The following PHLDB2 variants were observed in gnomAD, a reference collection of about 807,000 sequenced individuals.
PHLDB2 encodes pleckstrin homology-like domain family B member 2.
A neutral mutation model predicts 123.6 loss-of-function variants in PHLDB2; 71 were observed. The ratio of observed to expected loss-of-function variants is 0.57; its 90% confidence interval spans 0.47 to 0.70. The LOEUF (loss-of-function observed/expected upper bound fraction) is 0.70, where lower values mean the gene tolerates loss of function less well. PHLDB2 is among the 30% of genes least tolerant of loss of function. The pLI is 0.00. For missense variants in PHLDB2, 1,446 were observed against 1,519.5 expected (o/e 0.95, Z 0.80); for synonymous variants, 547 against 541.6 (o/e 1.01, Z -0.14).
At chr3:111,827,869 C>G (rs1182356199) in intron 1 of PHLDB2, among the ~76,000 whole-genome samples, 1 of 152,014 alleles carries the variant, frequency 6.6e-6, no homozygotes, top group Non-Finnish European at 1.5e-5. Context: ...TCTAAGGGCT[C>G]AGTACATATT....
intron 5 of PHLDB2, among the ~76,000 whole-genome samples, chr3:111,928,986 G>A (rs1228405031): frequency 1.3e-5 from 2 of 152,152 alleles, no homozygotes; most frequent in Admixed American, 6.5e-5. Flanking sequence ...TTTAGGCTAG[G>A]TGCAGTGGCT....
chr3:111,843,845 A>T lies in PHLDB2; in HGVS notation c.-48-1976A>T, dbSNP rs146418494. Among the ~76,000 whole-genome samples the T allele has an allele frequency of 3.5e-4, 53 of 152,298 alleles. No homozygotes were observed. The East Asian group carries it at 0.01, about 29-fold the overall frequency. Reference sequence around the variant, plus strand: ...CACAAAAGTTTTTAAAGCTTCTTTTAAGTATAACTTATGGAAGTTTATATT... The same window carrying T: ...CACAAAAGTTTTTAAAGCTTCTTTTTAGTATAACTTATGGAAGTTTATATT... On this transcript the variant is annotated intron_variant, in intron 1 of 17. Coordinates refer to the PHLDB2 transcript ENST00000393923.
At chr3:111,963,786 T>C (rs1422549010) in intron 13 of PHLDB2, among the ~76,000 whole-genome samples, 2 of 152,236 alleles carry the variant, frequency 1.3e-5, no homozygotes, top group Admixed American at 6.5e-5. Context: ...TAAAAACAAA[T>C]CTTAAGCAGA....
In PHLDB2 at chr3:111,939,444, G is replaced by T. The variant is rs547589423; in HGVS notation, c.2131-31G>T. 230 of 1,584,650 alleles carry T rather than the reference G, an allele frequency of 1.5e-4. No individual in the cohort carries two copies. The African/African-American group carries it at 2.8e-3, about 19-fold the overall frequency. On this transcript the variant is annotated intron_variant, in intron 6 of 17. Transcript: ENST00000431670. ...TTAAGAAGGTGGTAGTTATCTCAGT[G>T]TGTCTTGTTTTCATTCACTTTTCTC...
chr3:111,949,549 T>C (rs189828720), intron 10 of PHLDB2, among the ~76,000 whole-genome samples: 2 of 152,268 alleles, frequency 1.3e-5, no homozygotes, highest in Admixed American at 1.3e-4. Context: ...CAGTGTGGGA[T>C]TTTAATAAGA....
chr3:111,884,399 C>G lies in PHLDB2; in HGVS notation c.322C>G (p.Pro108Ala), dbSNP rs1576992719. 4.3e-6 allele frequency: 7 copies of G among 1,614,152 alleles called. No individual in the cohort carries two copies. The Middle Eastern group carries it at 6.6e-4, about 152-fold the overall frequency. ...GTDKNIPMKPPTPLLNTTSSL... is the reference protein window; with the variant it reads ...GTDKNIPMKPATPLLNTTSSL... ...TGACAAAAATATTCCTATGAAACCT[C>G]CAACTCCTTTACTCAACACTACATC... Residue 108 changes from proline (P) to alanine (A), a missense_variant, in exon 2 of 18, where the codon CCA becomes GCA. This residue lies in a region of PHLDB2 where 832 missense variants were observed against 831.9 expected (regional missense o/e 1.00). Transcript: ENST00000431670.
chr3:111,765,845 T>G (rs1389368144), intron 1 of PHLDB2, among the ~76,000 whole-genome samples: 1 of 152,134 alleles, frequency 6.6e-6, no homozygotes, highest in African/African-American at 2.4e-5. Context: ...ATCAATAATG[T>G]AGATTTACTT....
At chr3:111,747,417 A>G (rs2059698199) in intron 1 of PHLDB2, among the ~76,000 whole-genome samples, 1 of 152,110 alleles carries the variant, frequency 6.6e-6, no homozygotes, top group Admixed American at 6.6e-5. Context: ...TTATAAATAT[A>G]TTTACAAAAA....
chr3:111,865,796 A>G (rs1190757932), intron 1 of PHLDB2, among the ~76,000 whole-genome samples: 3 of 152,032 alleles, frequency 2.0e-5, no homozygotes, highest in African/African-American at 7.2e-5. Context: ...CATTGATTAA[A>G]ATTAAATTAA....
At chr3:111,843,190 G>T (rs948285696) in intron 1 of PHLDB2, among the ~76,000 whole-genome samples, 1 of 152,162 alleles carries the variant, frequency 6.6e-6, no homozygotes, top group Non-Finnish European at 1.5e-5. Context: ...ATCCAAAGAG[G>T]CATTTTGTAT....
chr3:111,909,551 G>A (rs1378201355), intron 2 of PHLDB2, among the ~76,000 whole-genome samples: 1 of 152,140 alleles, frequency 6.6e-6, no homozygotes, highest in African/African-American at 2.4e-5. Flanking sequence ...TGAGCTATGA[G>A]TGCACCACTG....
intron 1 of PHLDB2, among the ~76,000 whole-genome samples, chr3:111,751,170 TGTG>T: frequency 1.3e-5 from 1 of 77,204 alleles, no homozygotes; most frequent in South Asian, 3.3e-4. Flanking sequence ...GACAATGGGG[TGTG>T]TGTGTGTGTG....
At chr3:111,933,005 G>A (rs1435863887) in intron 6 of PHLDB2, among the ~76,000 whole-genome samples, 2 of 152,224 alleles carry the variant, frequency 1.3e-5, no homozygotes, top group Non-Finnish European at 2.9e-5. Flanking sequence ...AGACTTTCTA[G>A]TTAAGCTTTA....
chr3:111,763,106 T>A (rs2060022204), intron 1 of PHLDB2, among the ~76,000 whole-genome samples: 1 of 152,208 alleles, frequency 6.6e-6, no homozygotes, highest in South Asian at 2.1e-4. Context: ...CACTGAGCTT[T>A]ATGATCCTGC....
rs71625224 is a variant in PHLDB2 at position 111,893,919 on chromosome 3, T to TA, written c.1335+8507_1335+8508insA. 7.3e-4 allele frequency among the ~76,000 whole-genome samples: 102 copies of TA among 138,872 alleles called. No homozygotes were observed. The East Asian group carries it at 0.011, about 15-fold the overall frequency. 91.1% of individuals were successfully genotyped at this position (138,872 alleles called of 152,430 possible). On this transcript the variant is annotated intron_variant, in intron 2 of 17. Coordinates refer to ENST00000431670, the MANE Select transcript of PHLDB2 (RefSeq NM_001134438.2). The stretch of plus-strand genomic sequence containing the variant: ...ATTTATTTTTATTTATTTATTTATT[T>TA]TTTATTATACTTTAAGTTTTAGGGT...
At chr3:111,907,096 A>G (rs775032051) in intron 2 of PHLDB2, among the ~76,000 whole-genome samples, 9 of 152,200 alleles carry the variant, frequency 5.9e-5, no homozygotes, top group Non-Finnish European at 1.0e-4. Context: ...GATAAAAACA[A>G]TACTAAGGCA....
intron 12 of PHLDB2, 91 bp from the exon 13 acceptor site, chr3:111,962,017 T>C: frequency 8.4e-7 from 1 of 1,196,864 alleles, no homozygotes; most frequent in Admixed American, 2.2e-5. Flanking sequence ...CATAGGCAGA[T>C]GTTTCTGGTT....
At chr3:111,871,527 G>A (rs1326565677) in intron 1 of PHLDB2, among the ~76,000 whole-genome samples, 1 of 152,004 alleles carries the variant, frequency 6.6e-6, no homozygotes, top group Non-Finnish European at 1.5e-5. Flanking sequence ...GGTGGCCCAT[G>A]CCTGTAGTCC....
At chr3:111,866,928 GGGGTGTGTGTGTGT>G (rs1159068099) in intron 1 of PHLDB2, among the ~76,000 whole-genome samples, 4 of 81,118 alleles carry the variant, frequency 4.9e-5, no homozygotes, top group Non-Finnish European at 8.3e-5. Flanking sequence ...AAGTTTCTAA[GGGGTGTGTGTGTGT>G]GTGTGTGTGT....
Sources: allele counts gnomAD v4.1 joint callset (sites outside exome capture counted in the v4.1 genomes callset), GRCh38; gene constraint gnomAD v4.1.1; regional missense constraint gnomAD v4.1.1; transcripts MANE v1.5; gene names NCBI Gene and HGNC (gene_info 2026-07-23, HGNC 2026-07-21).